Variants in ERICH3 observed in about 807,000 individuals in gnomAD.
ERICH3 encodes the protein glutamate rich 3, also known as glutamate-rich protein 3.
In ERICH3, 126 loss-of-function variants were observed where a neutral mutation model predicts 131.1. That is an observed-to-expected ratio of 0.96 (90% CI 0.83 to 1.11). ERICH3 has a LOEUF of 1.11. ERICH3 is among the 50% of genes most tolerant of loss of function. ERICH3 has a pLI of 0.00. For synonymous variants in ERICH3, 695 were observed against 644.6 expected, an observed-to-expected ratio of 1.08 and a Z score of -1.18; for missense variants, 2,050 against 1,810.7, an observed-to-expected ratio of 1.13 and a Z score of -2.40.
At chr1:74,645,518 TC>T (rs1646474242) in intron 3 of ERICH3, among the ~76,000 whole-genome samples, 1 of 152,026 alleles carries the variant, frequency 6.6e-6, no homozygotes, top group East Asian at 1.9e-4. Context: ...AATAGCATAT[TC>T]AACAGTTATG....
rs754768286 is a variant in ERICH3 at position 74,643,021 on chromosome 1, C to T, written c.315+6G>A. The T allele has an allele frequency of 1.3e-6, 2 of 1,593,076 alleles. No individual in the cohort carries two copies. Among genetic ancestry groups the T allele is most frequent in the Non-Finnish European group, 1.7e-6 (2 of 1,164,890 alleles). On this transcript the variant is annotated splice_donor_region_variant and intron_variant, in intron 4 of 14. Coordinates refer to ENST00000326665, the MANE Select transcript of ERICH3 (RefSeq NM_001002912.5). ...TGAAGTAAAAGAGAGTTATATAACT[C>T]CTTACCTTAAACCTCTGGATTCGCT...
intron 12 of ERICH3, chr1:74,577,523 T>C (rs1647088416): frequency 6.6e-6 from 1 of 152,238 alleles, no homozygotes; most frequent in Non-Finnish European, 1.5e-5. Context: ...TAAAAACAGG[T>C]CATGGGAACA....
intron 12 of ERICH3, chr1:74,579,886 C>T (rs915682821): frequency 2.5e-5 from 25 of 984,456 alleles, no homozygotes; most frequent in Middle Eastern, 1.0e-3. Context: ...GGAATTGTCA[C>T]ACACAGAAAA....
intron 12 of ERICH3, among the ~76,000 whole-genome samples, chr1:74,587,493 C>CAATA (rs1452692639): frequency 6.6e-6 from 1 of 151,742 alleles, no homozygotes; most frequent in Non-Finnish European, 1.5e-5. Context: ...ATTAATAAGC[C>CAATA]AATACACTTT....
intron 4 of ERICH3, among the ~76,000 whole-genome samples, chr1:74,642,221 T>C (rs1646443482): frequency 6.6e-6 from 1 of 152,158 alleles, no homozygotes; most frequent in Non-Finnish European, 1.5e-5. Flanking sequence ...AAAATTATCT[T>C]CTCACCCTGA....
intron 11 of ERICH3, among the ~76,000 whole-genome samples, chr1:74,596,795 A>G (rs1281618553): frequency 6.6e-6 from 1 of 152,054 alleles, no homozygotes; most frequent in Admixed American, 6.6e-5. Flanking sequence ...AAATGATAGG[A>G]AGTCTCACAC....
At chr1:74,597,854 C>A (rs961833912) in intron 11 of ERICH3, among the ~76,000 whole-genome samples, 3 of 151,814 alleles carry the variant, frequency 2.0e-5, no homozygotes. Flanking sequence ...CACGTGGAAC[C>A]AAAATGTCTG....
intron 1 of ERICH3, among the ~76,000 whole-genome samples, chr1:74,665,606 G>T (rs1176000945): frequency 6.6e-6 from 1 of 152,108 alleles, no homozygotes; most frequent in Non-Finnish European, 1.5e-5. Flanking sequence ...GGTGTCAGCA[G>T]GGTTGGTTTC....
chr1:74,631,580 T>C (rs556663530), intron 7 of ERICH3, 133 bp downstream of exon 7: 1 of 710,918 alleles, frequency 1.4e-6, no homozygotes, highest in African/African-American at 1.8e-5. Flanking sequence ...AGCTTACTTA[T>C]AAAATTGTAT....
chr1:74,575,243 A>G (rs1447255446), intron 13 of ERICH3, among the ~76,000 whole-genome samples: 1 of 152,228 alleles, frequency 6.6e-6, no homozygotes, highest in African/African-American at 2.4e-5. Context: ...AGCTATTATG[A>G]TAAAGCATTT....
chr1:74,618,524 A>T (rs1002680211), intron 8 of ERICH3, among the ~76,000 whole-genome samples: 12 of 152,196 alleles, frequency 7.9e-5, no homozygotes, highest in Non-Finnish European at 1.5e-4. Flanking sequence ...CCAGAAAAAA[A>T]TTGTTACTTT....
At position 74,572,322 on chromosome 1, in the gene ERICH3, C is replaced by G; in HGVS notation, c.3388G>C (p.Ala1130Pro). The G allele has an allele frequency of 1.9e-6, 3 of 1,613,906 alleles. No individual in the cohort carries two copies. The highest frequency in any genetic ancestry group is 2.5e-6 in the Non-Finnish European group (3 of 1,179,990). ...NEMGSDAENE[A>P]PVEASELSDN... ...GACAACTCAGAAGCCTCCACAGGTG[C>G]TTCGTTCTCAGCATCAGATCCCATT... Residue 1130 changes from alanine (A) to proline (P), a missense_variant, in exon 14 of 15, where the codon GCA (alanine) becomes CCA (proline). Physicochemically the swap from Ala to Pro is conservative, Grantham distance 27. Transcript: ENST00000326665.
In ERICH3 at chr1:74,652,014, C is replaced by G. The variant is rs148999932; in HGVS notation, c.24-2699G>C. 3.4e-3 allele frequency among the ~76,000 whole-genome samples: 521 copies of G among 152,272 alleles called. 1 individual carries two copies. Among genetic ancestry groups the G allele is most frequent in the African/African-American group, 0.012 (501 of 41,566 alleles). On this transcript the variant is annotated intron_variant, in intron 1 of 14. Transcript: ENST00000326665. ...GGGTTGAAACCTTTTTACACATCAT[C>G]TTTTCCTATTTAGGAATAAATGTGG... is the stretch of plus-strand genomic sequence containing the variant.
chr1:74,593,111 G>A (rs1037210145), intron 11 of ERICH3, among the ~76,000 whole-genome samples: 1 of 151,986 alleles, frequency 6.6e-6, no homozygotes, highest in Admixed American at 6.6e-5. Flanking sequence ...TGCTTGTTTT[G>A]GCAAAGAAAA....
intron 8 of ERICH3, among the ~76,000 whole-genome samples, chr1:74,619,958 G>A (rs1206559276): frequency 1.3e-5 from 2 of 152,058 alleles, no homozygotes; most frequent in Admixed American, 6.5e-5. Flanking sequence ...AAATCAGAAA[G>A]ACTAAAAGTA....
chr1:74,647,121 T>G (rs983105751), intron 2 of ERICH3, among the ~76,000 whole-genome samples: 3 of 152,160 alleles, frequency 2.0e-5, no homozygotes, highest in Middle Eastern at 3.2e-3. Context: ...ATACCCTTCA[T>G]TGTGAAAACA....
intron 4 of ERICH3, 152 bp from the exon 5 acceptor site, chr1:74,641,611 G>A (rs1277904162): frequency 6.7e-6 from 6 of 898,404 alleles, no homozygotes; most frequent in Non-Finnish European, 9.9e-6. Flanking sequence ...GTGGTGGTAA[G>A]GCAAGAAATT....
Position 74,589,790 on chromosome 1 carries a change from T to C in ERICH3, c.2017A>G (p.Thr673Ala). The change falls in exon 12 of 15, where the codon ACG (threonine) becomes GCG (alanine). Residue 673 changes from threonine to alanine, a missense_variant. Coordinates refer to ENST00000326665, the MANE Select transcript of ERICH3 (RefSeq NM_001002912.5). ...ESFENVLKEG[T>A]EKGTQEIAEG... ...GCAATCTCTTGGGTTCCTTTCTCCGTTCCTTCTTTAAGAACATTCTCAAAG... is the reference window on the plus strand; with the variant it reads ...GCAATCTCTTGGGTTCCTTTCTCCGCTCCTTCTTTAAGAACATTCTCAAAG... The C allele has an allele frequency of 6.2e-7, 1 of 1,614,116 alleles. No individual in the cohort carries two copies. Among genetic ancestry groups the C allele is most frequent in the South Asian group, 1.1e-5 (1 of 91,088 alleles).
Position 74,573,108 on chromosome 1 carries a change from C to G in ERICH3, c.2602G>C (p.Val868Leu), listed in dbSNP as rs755899755. 6.2e-7 allele frequency: 1 copy of G among 1,613,954 alleles called. No individual in the cohort carries two copies. The highest frequency in any genetic ancestry group is 8.5e-7 in the Non-Finnish European group (1 of 1,179,946). ...PIGQAAAKDA[V>L]GLSKDEAPEK... is the part of the protein sequence containing the mutation. Reference sequence around the variant, plus strand: ...GGAGCCTCATCTTTACTCAGACCCACAGCATCTTTTGCTGCTGCTTGTCCT... The same window carrying G: ...GGAGCCTCATCTTTACTCAGACCCAGAGCATCTTTTGCTGCTGCTTGTCCT... Residue 868 changes from valine (V) to leucine (L), a missense_variant, in exon 14 of 15, where the codon GTG becomes CTG. Physicochemically the swap from Val to Leu is conservative, Grantham distance 32. Coordinates refer to ENST00000326665, the MANE Select transcript of ERICH3 (RefSeq NM_001002912.5).
Sources: allele counts gnomAD v4.1 joint callset (sites outside exome capture counted in the v4.1 genomes callset), GRCh38; gene constraint gnomAD v4.1.1; transcripts MANE v1.5; gene names NCBI Gene and HGNC (gene_info 2026-07-23, HGNC 2026-07-21).